Variants in PHF21B observed in about 807,000 individuals in gnomAD.
PHF21B encodes PHD finger protein 4.
In PHF21B, 22 loss-of-function variants were observed where a neutral mutation model predicts 62.2. That is an observed-to-expected ratio of 0.35 (90% CI 0.25 to 0.51). The LOEUF (loss-of-function observed/expected upper bound fraction) is 0.51. Among genes scored for constraint, PHF21B ranks in the 20% least tolerant of loss-of-function variants. The pLI, the probability that PHF21B is intolerant of heterozygous loss-of-function variation, is 0.97. For missense variants in PHF21B, 701 were observed against 707.9 expected (o/e 0.99, Z 0.11); for synonymous variants, 341 against 314.7 (o/e 1.08, Z -0.88).
intron 5 of PHF21B, among the ~76,000 whole-genome samples, chr22:44,912,407 G>A (rs1046666892): frequency 6.6e-6 from 1 of 152,162 alleles, no homozygotes; most frequent in Non-Finnish European, 1.5e-5. Flanking sequence ...CCCACATGTT[G>A]TAGGAGGGAC....
intron 2 of PHF21B, among the ~76,000 whole-genome samples, chr22:44,965,322 C>T (rs1280034411): frequency 1.3e-5 from 2 of 152,056 alleles, no homozygotes; most frequent in African/African-American, 4.8e-5. Flanking sequence ...CTGCACAGCC[C>T]TCAGATGTGG....
rs1319137735 is a variant in PHF21B, at chr22:45,009,669, A to G, written c.-120T>C. 4.3e-6 allele frequency: 4 copies of G among 922,188 alleles called. No homozygotes were observed. The highest frequency in any genetic ancestry group is 6.0e-6 in the Non-Finnish European group (4 of 662,304). 57.1% of individuals were successfully genotyped at this position (922,188 alleles called of 1,614,324 possible). On this transcript the variant is annotated 5_prime_UTR_variant, in exon 1 of 13. Transcript: ENST00000313237. The surrounding 1 kb of genome is among the most constrained non-coding windows in gnomAD (Gnocchi z 5.9). The stretch of plus-strand genomic sequence containing the variant: ...CGGCCTCCGGGCTGGGTTGGGGGGG[A>G]CACGAGCCCCCTCCCCCACGGCCGA...
intron 2 of PHF21B, among the ~76,000 whole-genome samples, chr22:44,996,784 GCA>G (rs747090485): frequency 2.6e-5 from 4 of 151,242 alleles, no homozygotes; most frequent in East Asian, 1.9e-4. Flanking sequence ...GCATGCACAA[GCA>G]CACACACATG....
intron 2 of PHF21B, among the ~76,000 whole-genome samples, chr22:44,992,893 C>A (rs2073064134): frequency 6.6e-6 from 1 of 152,184 alleles, no homozygotes; most frequent in Non-Finnish European, 1.5e-5. Context: ...AGCCTTGCAA[C>A]CCCGCTATAA....
intron 2 of PHF21B, among the ~76,000 whole-genome samples, chr22:44,977,983 G>A (rs541553958): frequency 1.4e-4 from 21 of 152,268 alleles, no homozygotes; most frequent in Non-Finnish European, 2.6e-4. Flanking sequence ...AGTCAAGGTT[G>A]TTGCACGTGG....
Position 45,009,042 on chromosome 22 carries a change from C to T in PHF21B, c.55-432G>A. ...CCAACACACACACGCGCACGCCGAG[C>T]CCCGCTCAGGCTCCGGCCGCCACGC... On this transcript the variant is annotated intron_variant, in intron 1 of 12. Coordinates refer to ENST00000313237, the MANE Select transcript of PHF21B (RefSeq NM_138415.5). This position sits in a 1 kb window ranked among gnomAD's most constrained non-coding sequence, Gnocchi z 5.9. The T allele has an allele frequency of 8.8e-7, 1 of 1,137,164 alleles. No homozygotes were observed. The highest frequency in any genetic ancestry group is 4.1e-5 in the South Asian group (1 of 24,384). 70.4% of individuals were successfully genotyped at this position (1,137,164 alleles called of 1,614,324 possible).
intron 2 of PHF21B, among the ~76,000 whole-genome samples, chr22:44,983,840 T>C (rs973570616): frequency 1.3e-5 from 2 of 152,102 alleles, no homozygotes; most frequent in African/African-American, 2.4e-5. Flanking sequence ...AATATTTGCA[T>C]AAGCCTTTAT....
At chr22:44,926,878 C>T (rs2071643159) in intron 2 of PHF21B, among the ~76,000 whole-genome samples, 1 of 152,110 alleles carries the variant, frequency 6.6e-6, no homozygotes, top group Non-Finnish European at 1.5e-5. Context: ...CTGGGCGTTG[C>T]TCAGCAGCAG....
intron 2 of PHF21B, among the ~76,000 whole-genome samples, chr22:44,946,455 C>T (rs908488655): frequency 1.7e-4 from 26 of 152,112 alleles, no homozygotes; most frequent in Admixed American, 7.2e-4. Flanking sequence ...TCAGTGTACA[C>T]GTACTGAGTG....
At chr22:44,934,636 T>C (rs1242358239) in intron 2 of PHF21B, among the ~76,000 whole-genome samples, 2 of 152,130 alleles carry the variant, frequency 1.3e-5, no homozygotes, top group Non-Finnish European at 2.9e-5. Context: ...ACTGGGGCTC[T>C]AGGAGTTTCC....
At chr22:44,998,631 G>T (rs571761136) in intron 2 of PHF21B, among the ~76,000 whole-genome samples, 1 of 152,248 alleles carries the variant, frequency 6.6e-6, no homozygotes, top group African/African-American at 2.4e-5. Flanking sequence ...GTCAGGGGCC[G>T]AATCCCAGCT....
At chr22:44,952,448 A>T (rs1189191752) in intron 2 of PHF21B, among the ~76,000 whole-genome samples, 1 of 152,216 alleles carries the variant, frequency 6.6e-6, no homozygotes, top group East Asian at 1.9e-4. Context: ...CATTGAAAAC[A>T]GTTTTGACAT....
intron 2 of PHF21B, among the ~76,000 whole-genome samples, chr22:44,994,333 GAA>G (rs2073086374): frequency 6.6e-6 from 1 of 152,236 alleles, no homozygotes; most frequent in African/African-American, 2.4e-5. Flanking sequence ...AAGACAAGGA[GAA>G]AAGACTCCCA....
At chr22:44,909,029 C>T (rs999663981) in intron 5 of PHF21B, among the ~76,000 whole-genome samples, 1 of 152,166 alleles carries the variant, frequency 6.6e-6, no homozygotes, top group Admixed American at 6.5e-5. Context: ...AACTCCTGAC[C>T]TCAGATGACC....
At chr22:44,995,401 T>C (rs1389218538) in intron 2 of PHF21B, among the ~76,000 whole-genome samples, 2 of 152,154 alleles carry the variant, frequency 1.3e-5, no homozygotes, top group Non-Finnish European at 2.9e-5. Context: ...TGGCTGGGGC[T>C]GGAGTGTGTG....
At chr22:44,920,563 C>A in intron 2 of PHF21B, 73 bp from the exon 3 acceptor site, 1 of 1,140,450 alleles carries the variant, frequency 8.8e-7, no homozygotes, top group Non-Finnish European at 1.3e-6. Flanking sequence ...CCAGCCTGGC[C>A]AAGCAGGGGG....
In PHF21B at chr22:44,992,746, A is replaced by C. The variant is rs566672273; in HGVS notation, c.120+15799T>G. Among the ~76,000 whole-genome samples, 21 of 152,228 alleles carry C rather than the reference A, an allele frequency of 1.4e-4. No individual in the cohort carries two copies. In the South Asian group the frequency reaches 1.9e-3, roughly 14 times the overall value. On this transcript the variant is annotated intron_variant, in intron 2 of 12. Coordinates refer to ENST00000313237, the MANE Select transcript of PHF21B (RefSeq NM_138415.5). ...CACAGAGTAGGCATAAGAATGAGTG[A>C]TGTGGCGGGGTGGGGGACAGGAGGA...
At chr22:44,987,827 C>T (rs1476980266) in intron 2 of PHF21B, among the ~76,000 whole-genome samples, 1 of 152,048 alleles carries the variant, frequency 6.6e-6, no homozygotes, top group Non-Finnish European at 1.5e-5. Flanking sequence ...TCTCACCCTT[C>T]ACCCCTCATT....
intron 9 of PHF21B, among the ~76,000 whole-genome samples, chr22:44,888,672 G>C (rs1041412705): frequency 3.9e-5 from 6 of 152,352 alleles, no homozygotes; most frequent in African/African-American, 1.4e-4. Context: ...TTCAGAGTTG[G>C]AAAAGACCAG....
Sources: gnomAD v4.1 joint callset for allele counts (sites outside exome capture counted in the v4.1 genomes callset) on GRCh38, gnomAD v4.1.1 for gene constraint, Gnocchi (gnomAD v3.1) non-coding constraint, MANE v1.5 for transcripts, NCBI Gene and HGNC (gene_info 2026-07-23, HGNC 2026-07-21) for gene names.